The following DLG2 variants were observed in gnomAD, a reference collection of about 807,000 sequenced individuals.
DLG2 encodes discs large MAGUK scaffold protein 2, also known as disks large homolog 2.
In DLG2, 45 loss-of-function variants were observed where a neutral mutation model predicts 132.5. The observed-to-expected ratio is 0.34, with a 90% CI of 0.27 to 0.44. The LOEUF (loss-of-function observed/expected upper bound fraction) is 0.44, where lower values mean the gene tolerates loss of function less well. Ranked by LOEUF, DLG2 falls within the 20% of genes least tolerant of loss-of-function variation. The probability of loss-of-function intolerance (pLI) is 1.00; values close to 1 mark genes in which losing one functional copy is unlikely to be tolerated. For missense variants in DLG2, 1,045 were observed against 1,196.9 expected, an observed-to-expected ratio of 0.87 and a Z score of 1.87; for synonymous variants, 424 against 419.6, an observed-to-expected ratio of 1.01 and a Z score of -0.13.
At chr11:84,179,305 T>A (rs1436020622) in intron 8 of DLG2, among the ~76,000 whole-genome samples, 1 of 152,102 alleles carries the variant, frequency 6.6e-6, no homozygotes, top group South Asian at 2.1e-4. Context: ...CTAAACAAAC[T>A]GAAAAATCAA....
Position 83,595,915 on chromosome 11 carries a change from A to G in DLG2, c.1940+37296T>C, listed in dbSNP as rs527737958. On this transcript the variant is annotated intron_variant, in intron 19 of 27. Transcript: ENST00000376104. Reference sequence around the variant, plus strand: ...GTCGTAATAGGTGCATTATAAGACAATATATCAAAATGTTACCCAGATGCA... The same window carrying G: ...GTCGTAATAGGTGCATTATAAGACAGTATATCAAAATGTTACCCAGATGCA... Among the ~76,000 whole-genome samples, 140 of 152,324 alleles carry G rather than the reference A, an allele frequency of 9.2e-4. 1 individual carries two copies. The South Asian group carries it at 9.3e-3, about 10-fold the overall frequency.
intron 3 of DLG2, among the ~76,000 whole-genome samples, chr11:85,308,764 A>T (rs1437278427): frequency 6.6e-6 from 1 of 152,182 alleles, no homozygotes; most frequent in Non-Finnish European, 1.5e-5. Context: ...TAACTTTACT[A>T]TATAAGCTTT....
chr11:83,587,187 G>GT (rs200863900), intron 19 of DLG2, among the ~76,000 whole-genome samples: 27 of 151,554 alleles, frequency 1.8e-4, no homozygotes, highest in Middle Eastern at 3.4e-3. Context: ...GCTGCTTATA[G>GT]TTTTTTTTAA....
chr11:83,969,125 G>C (rs1287437919), intron 12 of DLG2, among the ~76,000 whole-genome samples: 1 of 152,070 alleles, frequency 6.6e-6, no homozygotes, highest in Non-Finnish European at 1.5e-5. Context: ...TTACAGATGA[G>C]AAAAACTGTT....
At chr11:84,139,545 G>A (rs1006222699) in intron 9 of DLG2, among the ~76,000 whole-genome samples, 1 of 151,494 alleles carries the variant, frequency 6.6e-6, no homozygotes, top group Non-Finnish European at 1.5e-5. Context: ...TACTTATTAG[G>A]GCTAGGCACT....
At chr11:83,634,516 C>G (rs2064289756) in intron 18 of DLG2, among the ~76,000 whole-genome samples, 8 of 152,058 alleles carry the variant, frequency 5.3e-5, no homozygotes, top group Admixed American at 5.2e-4. Flanking sequence ...ATAAATGGTT[C>G]TTTTAATTAC....
chr11:83,563,005 C>T (rs1255174887), intron 19 of DLG2, among the ~76,000 whole-genome samples: 18 of 128,190 alleles, frequency 1.4e-4, no homozygotes, highest in Admixed American at 4.6e-4. Context: ...GACAGAGTCT[C>T]GCTCAGTTGC....
chr11:85,418,033 G>T (rs565339408), intron 3 of DLG2, among the ~76,000 whole-genome samples: 1 of 152,052 alleles, frequency 6.6e-6, no homozygotes, highest in Non-Finnish European at 1.5e-5. Context: ...AGATGTTAGG[G>T]TGTCGATTTT....
chr11:85,060,462 T>C (rs1044981309), intron 6 of DLG2, among the ~76,000 whole-genome samples: 1 of 150,534 alleles, frequency 6.6e-6, no homozygotes. Flanking sequence ...CATATGTGTG[T>C]GTGTGTATAT....
At chr11:83,548,437 C>T (rs1367985) in intron 19 of DLG2, among the ~76,000 whole-genome samples, 100,048 of 152,008 alleles carry the variant, frequency 0.66, 33,444 homozygotes, top group Middle Eastern at 0.75. Flanking sequence ...AAATTTGTCA[C>T]GGCAGTAATG....
rs572587027 is a variant in DLG2 at position 85,525,633 on chromosome 11, T to A, written c.40+73024A>T. Among the ~76,000 whole-genome samples the A allele has an allele frequency of 3.9e-5, 6 of 152,216 alleles. No individual in the cohort carries two copies. The South Asian group carries it at 6.2e-4, about 16-fold the overall frequency. ...AACAAGTAAAAATATGAGCAAAATA[T>A]ATGAAATAATAATTTTCAAGGCATT... On this transcript the variant is annotated intron_variant, in intron 3 of 27. Transcript: ENST00000376104.
In DLG2 at chr11:83,827,414, C is replaced by A. The variant is rs1160299205; in HGVS notation, c.1722+6200G>T. Among the ~76,000 whole-genome samples the A allele has an allele frequency of 3.3e-5, 5 of 152,078 alleles. No individual in the cohort carries two copies. The East Asian group carries it at 9.6e-4, about 29-fold the overall frequency. Reference sequence around the variant, plus strand: ...GATAACCTGAAAATTTTTGAAATACCCATGTCAGCTGTGACTCATTTTTAC... The same window carrying A: ...GATAACCTGAAAATTTTTGAAATACACATGTCAGCTGTGACTCATTTTTAC... On this transcript the variant is annotated intron_variant, in intron 17 of 27. Coordinates refer to ENST00000376104, the MANE Select transcript of DLG2 (RefSeq NM_001142699.3).
chr11:85,354,580 C>T (rs1406999420), intron 3 of DLG2, among the ~76,000 whole-genome samples: 1 of 151,970 alleles, frequency 6.6e-6, no homozygotes, highest in East Asian at 1.9e-4. Context: ...AAATGTGCCA[C>T]ATCTATCATC....
At chr11:84,389,832 T>C (rs2098785806) in intron 7 of DLG2, among the ~76,000 whole-genome samples, 1 of 152,158 alleles carries the variant, frequency 6.6e-6, no homozygotes, top group South Asian at 2.1e-4. Context: ...ACTCAACTCA[T>C]GAACATTTTT....
intron 11 of DLG2, among the ~76,000 whole-genome samples, chr11:84,037,197 T>C (rs1485138301): frequency 6.6e-6 from 1 of 152,118 alleles, no homozygotes; most frequent in Non-Finnish European, 1.5e-5. Context: ...ATTAAACAAA[T>C]GAAAATATCA....
intron 9 of DLG2, among the ~76,000 whole-genome samples, chr11:84,134,608 C>T (rs1595897502): frequency 6.6e-6 from 1 of 151,930 alleles, no homozygotes; most frequent in Non-Finnish European, 1.5e-5. Flanking sequence ...GTTCCCACCA[C>T]CAAAGATTTG....
At chr11:83,946,945 C>A (rs114993887) in intron 14 of DLG2, among the ~76,000 whole-genome samples, 4,920 of 152,164 alleles carry the variant, frequency 0.032, 183 homozygotes, top group African/African-American at 0.093. Context: ...TTCGGTATAA[C>A]CTTATTAGAG....
chr11:84,183,052 C>T (rs11820047), intron 8 of DLG2, among the ~76,000 whole-genome samples: 1 of 152,086 alleles, frequency 6.6e-6, no homozygotes, highest in East Asian at 1.9e-4. Flanking sequence ...TAAAACAGAC[C>T]ATGTGAATAG....
At chr11:85,518,086 A>G (rs898066881) in intron 3 of DLG2, among the ~76,000 whole-genome samples, 2 of 152,210 alleles carry the variant, frequency 1.3e-5, no homozygotes, top group African/African-American at 4.8e-5. Flanking sequence ...AATCTCAGGT[A>G]TGTCTTTATC....
Sources: allele counts gnomAD v4.1 joint callset (sites outside exome capture counted in the v4.1 genomes callset), GRCh38; gene constraint gnomAD v4.1.1; transcripts MANE v1.5; gene names NCBI Gene and HGNC (gene_info 2026-07-23, HGNC 2026-07-21).